Variants in CNTN4 observed in about 807,000 individuals in gnomAD.
CNTN4 encodes the protein contactin 4.
CNTN4 carries 77 observed loss-of-function variants against 122.5 expected under a neutral mutation model. The observed-to-expected ratio is 0.63, with a 90% CI of 0.52 to 0.76. The LOEUF (loss-of-function observed/expected upper bound fraction) is 0.76, where lower values mean the gene tolerates loss of function less well. Ranked by LOEUF, CNTN4 falls within the 30% of genes least tolerant of loss-of-function variation. The pLI is 0.00. For missense variants in CNTN4, 1,256 were observed against 1,259.1 expected (o/e 1.00, Z 0.04); for synonymous variants, 512 against 447.0 (o/e 1.15, Z -1.83).
chr3:2,462,898 A>G (rs2049280539), intron 3 of CNTN4, among the ~76,000 whole-genome samples: 1 of 152,210 alleles, frequency 6.6e-6, no homozygotes, highest in African/African-American at 2.4e-5. Context: ...TGGGACCGAT[A>G]TAAAAATTAT....
chr3:2,507,216 C>T (rs1033089470), intron 3 of CNTN4, among the ~76,000 whole-genome samples: 14 of 152,060 alleles, frequency 9.2e-5, no homozygotes, highest in African/African-American at 2.9e-4. Flanking sequence ...GTATCTTAAA[C>T]ATATTGAGGT....
At chr3:2,716,701 A>T (rs2087517368) in intron 4 of CNTN4, among the ~76,000 whole-genome samples, 2 of 152,166 alleles carry the variant, frequency 1.3e-5, no homozygotes, top group Non-Finnish European at 2.9e-5. Flanking sequence ...CAATTTTGTG[A>T]AACTATCACC....
intron 3 of CNTN4, among the ~76,000 whole-genome samples, chr3:2,445,105 T>G (rs897274047): frequency 6.6e-6 from 1 of 152,196 alleles, no homozygotes; most frequent in Admixed American, 6.6e-5. Context: ...TATTTTCATC[T>G]GATTACTAAT....
chr3:2,830,896 A>G (rs2093089960), intron 7 of CNTN4, among the ~76,000 whole-genome samples: 1 of 152,202 alleles, frequency 6.6e-6, no homozygotes, highest in Non-Finnish European at 1.5e-5. Context: ...TACATAGAAT[A>G]AGGAAATGCT....
At chr3:2,320,497 C>G (rs529325425) in intron 2 of CNTN4, among the ~76,000 whole-genome samples, 1 of 152,220 alleles carries the variant, frequency 6.6e-6, no homozygotes, top group South Asian at 2.1e-4. Flanking sequence ...TCAATCTATG[C>G]TATTTGCTAT....
At chr3:2,256,633 C>T (rs914340451) in intron 2 of CNTN4, among the ~76,000 whole-genome samples, 1 of 152,052 alleles carries the variant, frequency 6.6e-6, no homozygotes, top group African/African-American at 2.4e-5. Flanking sequence ...AAGGCTGGTT[C>T]AACATACACA....
At chr3:2,566,211 A>C (rs2079152357) in intron 3 of CNTN4, among the ~76,000 whole-genome samples, 1 of 152,212 alleles carries the variant, frequency 6.6e-6, no homozygotes, top group Non-Finnish European at 1.5e-5. Context: ...TCACACTTGA[A>C]AAGACACAAT....
chr3:2,437,263 T>C (rs2048289307), intron 3 of CNTN4, among the ~76,000 whole-genome samples: 1 of 152,170 alleles, frequency 6.6e-6, no homozygotes, highest in Non-Finnish European at 1.5e-5. Flanking sequence ...TCATAGGTTT[T>C]TCCCTCTCTT....
At chr3:2,738,614 A>C (rs945424174) in intron 5 of CNTN4, among the ~76,000 whole-genome samples, 1 of 152,220 alleles carries the variant, frequency 6.6e-6, no homozygotes, top group Non-Finnish European at 1.5e-5. Context: ...TAATAAAAAG[A>C]ATACTGTCTT....
At chr3:2,359,850 T>G (rs1488267175) in intron 3 of CNTN4, among the ~76,000 whole-genome samples, 1 of 152,218 alleles carries the variant, frequency 6.6e-6, no homozygotes, top group African/African-American at 2.4e-5. Context: ...TATATATGAT[T>G]GTTTATTCAC....
chr3:2,809,777 T>A (rs1218349973), intron 6 of CNTN4, among the ~76,000 whole-genome samples: 2 of 152,188 alleles, frequency 1.3e-5, no homozygotes, highest in African/African-American at 4.8e-5. Context: ...TGTAGTAACC[T>A]CATGAGTTAG....
At chr3:3,001,903 A>G (rs1448908436) in intron 14 of CNTN4, among the ~76,000 whole-genome samples, 1 of 152,244 alleles carries the variant, frequency 6.6e-6, no homozygotes, top group African/African-American at 2.4e-5. Flanking sequence ...TCAGTGGAAG[A>G]GAAATTCAGT....
intron 4 of CNTN4, among the ~76,000 whole-genome samples, chr3:2,603,477 G>C (rs1185126810): frequency 6.6e-6 from 1 of 152,178 alleles, no homozygotes. Context: ...AGAAAATAAT[G>C]CTGGCAGTCT....
chr3:3,013,999 A>G (rs73116678), intron 14 of CNTN4, among the ~76,000 whole-genome samples: 1,535 of 152,082 alleles, frequency 0.01, 31 homozygotes, highest in African/African-American at 0.035. Flanking sequence ...AAGTGAATAC[A>G]TTCCTGTAAA....
intron 3 of CNTN4, among the ~76,000 whole-genome samples, chr3:2,342,483 A>G (rs977819013): frequency 1.3e-5 from 2 of 152,192 alleles, no homozygotes; most frequent in African/African-American, 2.4e-5. Context: ...CCATGTTGAT[A>G]TGGTTTGGCT....
intron 2 of CNTN4, among the ~76,000 whole-genome samples, chr3:2,228,776 G>T (rs1458853799): frequency 6.6e-6 from 1 of 152,044 alleles, no homozygotes; most frequent in Non-Finnish European, 1.5e-5. Flanking sequence ...AAACAACATT[G>T]TGAGTATTTT....
chr3:2,434,398 C>T (rs2048188531), intron 3 of CNTN4, among the ~76,000 whole-genome samples: 1 of 152,048 alleles, frequency 6.6e-6, no homozygotes, highest in Non-Finnish European at 1.5e-5. Flanking sequence ...AGGGCATGTG[C>T]AAAAGTCTTG....
chr3:2,919,470 G>A (rs1454076685), intron 12 of CNTN4, among the ~76,000 whole-genome samples: 1 of 152,082 alleles, frequency 6.6e-6, no homozygotes, highest in East Asian at 1.9e-4. Flanking sequence ...CAGGCCCAAG[G>A]GATATACAGA....
Position 2,729,085 on chromosome 3 carries a change from T to TCAAAATATTA in CNTN4, c.56-7129_56-7128insAAAATATTAC, listed in dbSNP as rs2088447690. Reference sequence around the variant, plus strand: ...TGAAATCATAATATTGCATTTTTGTTCTTTCCCAACAGAGTCAGTTGAATT... The same window carrying TCAAAATATTA: ...TGAAATCATAATATTGCATTTTTGTTCAAAATATTACTTTCCCAACAGAGTCAGTTGAATT... On this transcript the variant is annotated intron_variant, in intron 4 of 24. Transcript: ENST00000418658. 1.3e-5 allele frequency among the ~76,000 whole-genome samples: 2 copies of TCAAAATATTA among 152,210 alleles called. 1 individual carries two copies. Among genetic ancestry groups the TCAAAATATTA allele is most frequent in the Admixed American group, 1.3e-4 (2 of 15,286 alleles).
Sources: allele counts gnomAD v4.1 joint callset (sites outside exome capture counted in the v4.1 genomes callset), GRCh38; gene constraint gnomAD v4.1.1; transcripts MANE v1.5; gene names NCBI Gene and HGNC (gene_info 2026-07-23, HGNC 2026-07-21).